The following LRRC7 variants were observed in gnomAD, a reference collection of about 807,000 sequenced individuals.
The protein encoded by LRRC7 is leucine-rich repeat-containing protein 7.
Under a neutral mutation model 175.7 loss-of-function variants are expected in LRRC7, and 23 were observed. The observed-to-expected ratio is 0.13, with a 90% CI of 0.09 to 0.19. The LOEUF is 0.19. Ranked by LOEUF, LRRC7 falls within the 10% of genes least tolerant of loss-of-function variation. The pLI is 1.00. For missense variants in LRRC7, 1,354 were observed against 1,904.7 expected, an observed-to-expected ratio of 0.71 and a Z score of 5.38; for synonymous variants, 685 against 680.9, an observed-to-expected ratio of 1.01 and a Z score of -0.09.
chr1:69,916,067 T>C (rs1171823991), intron 7 of LRRC7, among the ~76,000 whole-genome samples: 237 of 130,594 alleles, frequency 1.8e-3, no homozygotes, highest in African/African-American at 6.7e-3. Flanking sequence ...ATGTATATTT[T>C]ATATATATAA....
intron 2 of LRRC7, among the ~76,000 whole-genome samples, chr1:69,726,087 A>G (rs142677236): frequency 2.4e-4 from 37 of 152,298 alleles, no homozygotes; most frequent in East Asian, 1.9e-4. Flanking sequence ...AGTCATTTCA[A>G]TGTAGTCAAA....
intron 7 of LRRC7, among the ~76,000 whole-genome samples, chr1:69,912,793 C>T (rs577638693): frequency 6.6e-6 from 1 of 152,096 alleles, no homozygotes; most frequent in Non-Finnish European, 1.5e-5. Flanking sequence ...TCTAATTAAA[C>T]CCTTCATTAA....
intron 9 of LRRC7, among the ~76,000 whole-genome samples, chr1:69,984,800 A>C (rs1256742694): frequency 1.3e-5 from 2 of 152,180 alleles, no homozygotes; most frequent in African/African-American, 4.8e-5. Flanking sequence ...TTCTAAGCAT[A>C]AATCTGTTCA....
chr1:69,912,161 G>A (rs1464587269), intron 7 of LRRC7, among the ~76,000 whole-genome samples: 1 of 152,044 alleles, frequency 6.6e-6, no homozygotes, highest in Non-Finnish European at 1.5e-5. Flanking sequence ...ACTGAGCAAC[G>A]ATTGTACATA....
chr1:69,813,361 G>T (rs930228857), intron 4 of LRRC7, among the ~76,000 whole-genome samples: 1 of 152,004 alleles, frequency 6.6e-6, no homozygotes, highest in Non-Finnish European at 1.5e-5. Context: ...TTGAATTCAT[G>T]GTTGCAAATC....
At chr1:70,078,155 T>C (rs1218091434) in intron 24 of LRRC7, among the ~76,000 whole-genome samples, 1 of 152,214 alleles carries the variant, frequency 6.6e-6, no homozygotes, top group African/African-American at 2.4e-5. Flanking sequence ...TTACACGTTC[T>C]GTGCATGTGA....
In LRRC7 at chr1:69,622,034, T is replaced by C. The variant is rs915322647; in HGVS notation, c.2+53393T>C. Among the ~76,000 whole-genome samples, 5 of 152,226 alleles carry C rather than the reference T, an allele frequency of 3.3e-5. No individual in the cohort carries two copies. The South Asian group carries it at 8.3e-4, about 25-fold the overall frequency. Reference sequence around the variant, plus strand: ...ACTTTACCTTATCTCTATTTGCATATTTGGCTTATCCTGAAATTAGACTAG... The same window carrying C: ...ACTTTACCTTATCTCTATTTGCATACTTGGCTTATCCTGAAATTAGACTAG... On this transcript the variant is annotated intron_variant, in intron 1 of 26. Transcript: ENST00000651989.
chr1:69,812,911 G>A (rs995186648), intron 4 of LRRC7, among the ~76,000 whole-genome samples: 4 of 152,060 alleles, frequency 2.6e-5, no homozygotes, highest in African/African-American at 9.7e-5. Flanking sequence ...CTATTGATGC[G>A]AAACTGTAAC....
chr1:69,887,594 G>A (rs568111457), intron 7 of LRRC7, among the ~76,000 whole-genome samples: 193 of 152,098 alleles, frequency 1.3e-3, no homozygotes, highest in South Asian at 4.6e-3. Flanking sequence ...TAATTTGATC[G>A]TCTGAAGCCT....
chr1:69,649,334 T>TC (rs1412129352), intron 1 of LRRC7, among the ~76,000 whole-genome samples: 4 of 152,198 alleles, frequency 2.6e-5, no homozygotes, highest in African/African-American at 9.6e-5. Flanking sequence ...CTTATTTTTT[T>TC]CCCTCAATTT....
Position 69,831,444 on chromosome 1 carries a change from A to T in LRRC7, c.501-3336A>T, listed in dbSNP as rs1361226536. Among the ~76,000 whole-genome samples, 3 of 152,066 alleles carry T rather than the reference A, an allele frequency of 2.0e-5. No homozygotes were observed. The South Asian group carries it at 6.2e-4, about 31-fold the overall frequency. On this transcript the variant is annotated intron_variant, in intron 5 of 26. Coordinates refer to ENST00000651989, the MANE Select transcript of LRRC7 (RefSeq NM_001370785.2). ...TACCATAGACTTTCATTTCTATAAG[A>T]TCAAGTTCAAACCTTTGAGTTGAGT...
chr1:69,596,946 CACTT>C (rs1241504509), intron 1 of LRRC7, among the ~76,000 whole-genome samples: 1 of 152,188 alleles, frequency 6.6e-6, no homozygotes, highest in Non-Finnish European at 1.5e-5. Context: ...TGGTGTCAGT[CACTT>C]ACTGTGTTGG....
chr1:69,932,474 T>G (rs1647486466), intron 8 of LRRC7, among the ~76,000 whole-genome samples: 1 of 152,108 alleles, frequency 6.6e-6, no homozygotes, highest in South Asian at 2.1e-4. Context: ...CTAGCAAAAT[T>G]TATTCTAATA....
chr1:70,057,368 G>A (rs952470192), intron 23 of LRRC7, among the ~76,000 whole-genome samples: 3 of 152,136 alleles, frequency 2.0e-5, no homozygotes, highest in East Asian at 1.9e-4. Context: ...AAATAGATGC[G>A]ATAATTATAC....
Position 69,579,364 on chromosome 1 carries a change from T to A in LRRC7, c.2+10723T>A, listed in dbSNP as rs558487500. ...GTTACATTCTCCACATATCTTTTTT[T>A]AAAAAATAAAAAAGGTTAAACCTTT... is the stretch of plus-strand genomic sequence containing the variant. On this transcript the variant is annotated intron_variant, in intron 1 of 26. Coordinates refer to ENST00000651989, the MANE Select transcript of LRRC7 (RefSeq NM_001370785.2). 1.4e-3 allele frequency among the ~76,000 whole-genome samples: 220 copies of A among 152,282 alleles called. 1 individual carries two copies. The highest frequency in any genetic ancestry group is 4.9e-3 in the African/African-American group (204 of 41,566).
At chr1:69,896,017 G>A (rs753536655) in intron 7 of LRRC7, among the ~76,000 whole-genome samples, 11 of 152,078 alleles carry the variant, frequency 7.2e-5, no homozygotes, top group Non-Finnish European at 1.3e-4. Context: ...TACAATACTG[G>A]TTATCTTTTG....
intron 1 of LRRC7, among the ~76,000 whole-genome samples, chr1:69,603,570 T>C (rs7540133): frequency 0.19 from 28,841 of 152,138 alleles, 3,020 homozygotes; most frequent in East Asian, 0.37. Flanking sequence ...CTAGATCTTT[T>C]TTACAGATAT....
intron 24 of LRRC7, among the ~76,000 whole-genome samples, chr1:70,085,584 T>C (rs952788895): frequency 6.6e-6 from 1 of 152,170 alleles, no homozygotes; most frequent in African/African-American, 2.4e-5. Flanking sequence ...TATTGTTCAT[T>C]GTTTGATCTT....
intron 2 of LRRC7, among the ~76,000 whole-genome samples, chr1:69,699,447 G>A (rs919802207): frequency 1.3e-5 from 2 of 152,114 alleles, no homozygotes; most frequent in African/African-American, 4.8e-5. Context: ...GGCTGAGGCA[G>A]GAGAATCACT....
Sources: gnomAD v4.1 joint callset for allele counts (sites outside exome capture counted in the v4.1 genomes callset) on GRCh38, gnomAD v4.1.1 for gene constraint, MANE v1.5 for transcripts, NCBI Gene and HGNC (gene_info 2026-07-23, HGNC 2026-07-21) for gene names.